SRP68: variants seen among roughly 807,000 people sequenced by gnomAD.
SRP68 encodes the protein signal recognition particle 68.
A neutral mutation model predicts 82.2 loss-of-function variants in SRP68; 15 were observed. The ratio of observed to expected loss-of-function variants is 0.18; its 90% confidence interval spans 0.12 to 0.28. SRP68 has a LOEUF of 0.28. Ranked by LOEUF, SRP68 falls within the 10% of genes least tolerant of loss-of-function variation. The pLI is 1.00. For synonymous variants in SRP68, 261 were observed against 292.6 expected (o/e 0.89, Z 1.10); for missense variants, 595 against 780.5 (o/e 0.76, Z 2.83).
In SRP68 at chr17:76,046,139, T is replaced by C. The variant is rs764685294; in HGVS notation, c.1198A>G (p.Lys400Glu). The change falls in exon 11 of 16, where the codon AAA (lysine) becomes GAA (glutamate). Residue 400 changes from lysine to glutamate, a missense_variant. Lys to Glu is a moderately conservative substitution (Grantham distance 56). Around this residue, in one of 2 missense-constraint regions of SRP68, gnomAD observed 495 missense variants for 688.6 expected, o/e 0.72. Transcript: ENST00000307877. Reference sequence around the variant, plus strand: ...TGCAGCAGAGCCCTCTGCAGACCTTTGGCCATGTTCTCATTACGCTTGATT... The same window carrying C: ...TGCAGCAGAGCCCTCTGCAGACCTTCGGCCATGTTCTCATTACGCTTGATT... Reference protein sequence around the residue: ...TAIKRNENMAKGLQRALLQQQ... With the variant: ...TAIKRNENMAEGLQRALLQQQ... 4 of 1,613,954 alleles carry C rather than the reference T, an allele frequency of 2.5e-6. No homozygotes were observed. Among genetic ancestry groups the C allele is most frequent in the East Asian group, 2.2e-5 (1 of 44,876 alleles).
intron 7 of SRP68, among the ~76,000 whole-genome samples, chr17:76,059,069 G>C (rs973242618): frequency 1.3e-5 from 2 of 152,040 alleles, no homozygotes; most frequent in Admixed American, 6.6e-5. Flanking sequence ...AACACAGTGA[G>C]ACTCTGTCTC....
At chr17:76,055,947 C>T (rs1357414793) in intron 8 of SRP68, among the ~76,000 whole-genome samples, 2 of 151,106 alleles carry the variant, frequency 1.3e-5, no homozygotes, top group African/African-American at 4.9e-5. Context: ...GCTGGGACTA[C>T]AGGTGCACGC....
At chr17:76,060,681 A>T in intron 6 of SRP68, 1 of 378,940 alleles carries the variant, frequency 2.6e-6, no homozygotes. Context: ...ACTTTGGGAG[A>T]TGATGGTGTG....
intron 14 of SRP68, 53 bp from the exon 15 acceptor site, chr17:76,040,527 A>G: frequency 6.4e-7 from 1 of 1,569,844 alleles, no homozygotes; most frequent in Non-Finnish European, 8.8e-7. Context: ...TAGCACACTA[A>G]TCACAAATGA....
In SRP68 at chr17:76,040,446, G is replaced by T. The variant is rs199681912; in HGVS notation, c.1629C>A (p.Thr543=). 1.1e-4 allele frequency: 170 copies of T among 1,614,126 alleles called. No homozygotes were observed. The highest frequency in any genetic ancestry group is 2.2e-5 in the Non-Finnish European group (26 of 1,179,970). ...TATTGTCCTTGACTTGGGAGGAGGA[G>T]GTCTCTGTTTGATGAGCGTCGTTTG... ...LDANDAHQTE[T]SSSQVKDNKP... Residue 543 remains threonine (T), a synonymous_variant, in exon 15 of 16, where the codon ACC becomes ACA. Coordinates refer to ENST00000307877, the MANE Select transcript of SRP68 (RefSeq NM_014230.4).
intron 15 of SRP68, 42 bp downstream of exon 15, chr17:76,040,377 A>C: frequency 1.3e-6 from 2 of 1,580,390 alleles, no homozygotes; most frequent in Non-Finnish European, 1.7e-6. Flanking sequence ...GTTTGTTACT[A>C]ATCCTGCTTC....
intron 15 of SRP68, 73 bp downstream of exon 15, chr17:76,040,346 T>A: frequency 7.0e-7 from 1 of 1,428,726 alleles, no homozygotes; most frequent in Non-Finnish European, 9.9e-7. Flanking sequence ...TCCACTGCTC[T>A]ATAATGAGCA....
rs767466878 is a variant in SRP68 at position 76,045,341 on chromosome 17, C to T, written c.1345G>A (p.Ala449Thr). ...LQLPGLEEDK[A>T]FQKEIGLKTL... is the part of the protein sequence containing the mutation. ...TTGAGGCCTATCTCTTTCTGGAAGGCTTTGTCTTCCTCTAAACCAGGAAGC... is the reference window on the plus strand; with the variant it reads ...TTGAGGCCTATCTCTTTCTGGAAGGTTTTGTCTTCCTCTAAACCAGGAAGC... Residue 449 changes from alanine (A) to threonine (T), a missense_variant, in exon 12 of 16, where the codon GCC (alanine) becomes ACC (threonine). Ala to Thr is a moderately conservative substitution (Grantham distance 58, BLOSUM62 0). This residue lies in a region of SRP68 where 495 missense variants were observed against 688.6 expected (regional missense o/e 0.72). Coordinates refer to ENST00000307877, the MANE Select transcript of SRP68 (RefSeq NM_014230.4). 6.2e-7 allele frequency: 1 copy of T among 1,613,852 alleles called. No homozygotes were observed. Among genetic ancestry groups the T allele is most frequent in the Admixed American group, 1.7e-5 (1 of 60,006 alleles).
intron 6 of SRP68, chr17:76,060,823 T>A: frequency 2.6e-6 from 1 of 391,370 alleles, no homozygotes; most frequent in East Asian, 5.0e-5. Context: ...GCTGTGAACC[T>A]AAAACTGCTC....
At chr17:76,060,991 A>G (rs774573694) in intron 6 of SRP68, 119 bp downstream of exon 6, 12 of 720,554 alleles carry the variant, frequency 1.7e-5, no homozygotes, top group Non-Finnish European at 2.4e-5. Context: ...ACTCAGGTCA[A>G]TGATGGAGGC....
intron 13 of SRP68, 43 bp downstream of exon 13, chr17:76,043,785 AT>A (rs2066609255): frequency 6.5e-7 from 1 of 1,545,622 alleles, no homozygotes; most frequent in African/African-American, 1.4e-5. Flanking sequence ...AGCTGACTCC[AT>A]AACCTGCCAG....
In SRP68 at chr17:76,072,457, C is replaced by CCGCCACTGCCGCCGCCGA; in HGVS notation, c.34_35insTCGGCGGCGGCAGTGGCG (p.Gly11_Gly12insValGlyGlyGlySerGly). On this transcript the variant is annotated inframe_insertion, in exon 1 of 16. Coordinates refer to ENST00000307877, the MANE Select transcript of SRP68 (RefSeq NM_014230.4). This position sits in a 1 kb window ranked among gnomAD's most constrained non-coding sequence, Gnocchi z 4.5. ...ACCGCCGCCGCCACTGCCGCCGCCG[C>CCGCCACTGCCGCCGCCGA]CGCCGCCGCCTGGGACCTGCTTCTC... is the stretch of plus-strand genomic sequence containing the variant. The CCGCCACTGCCGCCGCCGA allele has an allele frequency of 6.3e-7, 1 of 1,582,740 alleles. No individual in the cohort carries two copies. Among genetic ancestry groups the CCGCCACTGCCGCCGCCGA allele is most frequent in the African/African-American group, 1.3e-5 (1 of 74,302 alleles).
intron 2 of SRP68, among the ~76,000 whole-genome samples, chr17:76,067,870 TA>T (rs2066818936): frequency 6.6e-6 from 1 of 152,114 alleles, no homozygotes; most frequent in South Asian, 2.1e-4. Context: ...GAACCCACAT[TA>T]AAATTGAGTA....
At position 76,046,090 on chromosome 17, in the gene SRP68, T is replaced by C; in HGVS notation, c.1247A>G (p.Lys416Arg). 1 of 1,613,964 alleles carries C rather than the reference T, an allele frequency of 6.2e-7. No individual in the cohort carries two copies. Among genetic ancestry groups the C allele is most frequent in the Non-Finnish European group, 8.5e-7 (1 of 1,179,866 alleles). The change falls in exon 11 of 16, where the codon AAG becomes AGG. Residue 416 changes from lysine (K) to arginine (R), a missense_variant. Coordinates refer to ENST00000307877, the MANE Select transcript of SRP68 (RefSeq NM_014230.4). ...CAGGTCCTGGGGCCGGGGTGAGCGC[T>C]TGCTGTCATCCTCTGGCTGCTGCTG... ...LLQQQPEDDS[K>R]RSPRPQDLIR...
At chr17:76,067,500 G>A (rs1335606783) in intron 2 of SRP68, among the ~76,000 whole-genome samples, 170 bp from the exon 3 acceptor site, 1 of 152,146 alleles carries the variant, frequency 6.6e-6, no homozygotes, top group East Asian at 1.9e-4. Context: ...TTGAGACAGA[G>A]TCTGGCTCTG....
At chr17:76,043,048 G>A (rs2066603110) in intron 13 of SRP68, among the ~76,000 whole-genome samples, 1 of 152,002 alleles carries the variant, frequency 6.6e-6, no homozygotes, top group Non-Finnish European at 1.5e-5. Context: ...CCAGGAGTTC[G>A]AGGCCATGAG....
intron 9 of SRP68, among the ~76,000 whole-genome samples, chr17:76,049,961 C>G (rs954348743): frequency 2.0e-5 from 3 of 152,110 alleles, no homozygotes; most frequent in African/African-American, 7.2e-5. Flanking sequence ...AATTAGGAGA[C>G]CTTTGCGGTT....
In SRP68 at chr17:76,060,313, AT is replaced by A; in HGVS notation, c.831del (p.Lys277AsnfsTer5). The part of the protein sequence containing the change: ...SGGTEGLLAE[K>X]LEALITQTRA... ...AAATGTACATACTAGATTACCTCCA[AT>A]TTTTCAGCCAAGAGACCCTCAGTGC... On this transcript the variant is annotated frameshift_variant, in exon 7 of 16. Coordinates refer to ENST00000307877, the MANE Select transcript of SRP68 (RefSeq NM_014230.4). LOFTEE classifies it high-confidence loss of function. 1 of 1,609,640 alleles carries A rather than the reference AT, an allele frequency of 6.2e-7. No homozygotes were observed. The highest frequency in any genetic ancestry group is 8.5e-7 in the Non-Finnish European group (1 of 1,178,430).
chr17:76,053,590 C>G, intron 8 of SRP68: 1 of 985,390 alleles, frequency 1.0e-6, no homozygotes, highest in Middle Eastern at 5.2e-4. Context: ...CCCCACTGCT[C>G]CCACAAAGCT....
Sources: gnomAD v4.1 joint callset for allele counts (sites outside exome capture counted in the v4.1 genomes callset) on GRCh38, gnomAD v4.1.1 for gene constraint, gnomAD v4.1.1 regional missense constraint, Gnocchi (gnomAD v3.1) non-coding constraint, MANE v1.5 for transcripts, NCBI Gene and HGNC (gene_info 2026-07-23, HGNC 2026-07-21) for gene names.